The following OSBPL9 variants were observed in gnomAD, a reference collection of about 807,000 sequenced individuals.
The protein encoded by OSBPL9 is oxysterol-binding protein-related protein 9.
A neutral mutation model predicts 106.6 loss-of-function variants in OSBPL9; 40 were observed. The ratio of observed to expected loss-of-function variants is 0.38; its 90% confidence interval spans 0.29 to 0.49. OSBPL9 has a LOEUF of 0.49. Ranked by LOEUF, OSBPL9 falls within the 20% of genes least tolerant of loss-of-function variation. The pLI is 0.97. For missense variants in OSBPL9, 609 were observed against 887.2 expected (o/e 0.69, Z 3.98); for synonymous variants, 269 against 295.4 (o/e 0.91, Z 0.92).
At chr1:51,551,052 A>C in the OSBPL9 span, among the ~76,000 whole-genome samples, 45 of 152,334 alleles carry the variant, frequency 3.0e-4, no homozygotes, top group Admixed American at 5.2e-4. Flanking sequence ...ACTAATAAGG[A>C]AACAGAAGCC....
the OSBPL9 span, among the ~76,000 whole-genome samples, chr1:51,553,861 A>G: frequency 3.9e-5 from 6 of 152,174 alleles, no homozygotes; most frequent in African/African-American, 9.7e-5. Flanking sequence ...TGTTTTTAAT[A>G]GAGACAGGGG....
intron 3 of OSBPL9, among the ~76,000 whole-genome samples, chr1:51,711,872 G>A (rs1660066190): frequency 6.6e-6 from 1 of 151,340 alleles, no homozygotes; most frequent in East Asian, 2.0e-4. Context: ...GGGAAGAGGC[G>A]CTCCTCACTT....
intron 3 of OSBPL9, among the ~76,000 whole-genome samples, chr1:51,713,388 G>A (rs1405546674): frequency 6.6e-6 from 1 of 152,018 alleles, no homozygotes. Context: ...GACCTCAGGT[G>A]ATCCGCCCGC....
chr1:51,749,991 G>T (rs1557798613), intron 7 of OSBPL9, among the ~76,000 whole-genome samples, 154 bp from the exon 8 acceptor site: 1 of 151,398 alleles, frequency 6.6e-6, no homozygotes, highest in Non-Finnish European at 1.5e-5. Flanking sequence ...GGCATTATCA[G>T]CATACTAGAA....
At chr1:51,565,717 T>A in the OSBPL9 span, 1 of 152,160 alleles carries the variant, frequency 6.6e-6, no homozygotes, top group Non-Finnish European at 1.5e-5. Context: ...ACCCCAGAGT[T>A]TATGTTTCCA....
At chr1:51,753,759 A>G (rs1669755862) in intron 8 of OSBPL9, among the ~76,000 whole-genome samples, 1 of 152,192 alleles carries the variant, frequency 6.6e-6, no homozygotes, top group Non-Finnish European at 1.5e-5. Flanking sequence ...TTGAATTCCT[A>G]TTCCCAGTAG....
intron 1 of OSBPL9, among the ~76,000 whole-genome samples, chr1:51,640,818 A>G (rs1645742655): frequency 6.6e-6 from 1 of 151,406 alleles, no homozygotes; most frequent in Non-Finnish European, 1.5e-5. Context: ...TTTTTTTTGA[A>G]ACAGGCTCTC....
At chr1:51,602,015 G>GTTTTTTTTTTTTTTTTTTTT (rs1266396456) in intron 2 of OSBPL9, among the ~76,000 whole-genome samples, 1 of 16,316 alleles carries the variant, frequency 6.1e-5, no homozygotes, top group Non-Finnish European at 1.3e-4. Flanking sequence ...CATTCTTGGG[G>GTTTTTTTTTTTTTTTTTTTT]TTCTTTTTTT....
In OSBPL9 at chr1:51,785,788, G is replaced by A. The variant is rs1677476512; in HGVS notation, c.1830-20G>A. The A allele has an allele frequency of 6.2e-7, 1 of 1,607,028 alleles. No homozygotes were observed. The highest frequency in any genetic ancestry group is 1.7e-4 in the Middle Eastern group (1 of 6,032). On this transcript the variant is annotated intron_variant, in intron 20 of 23. Transcript: ENST00000428468. ...AATTTTCAACTTGAGACTAACACAAGTATTTCCTTTTCTGTTCAGTTCTCC... is the reference window on the plus strand; with the variant it reads ...AATTTTCAACTTGAGACTAACACAAATATTTCCTTTTCTGTTCAGTTCTCC...
At chr1:51,770,342 C>CA (rs1160161677) in intron 12 of OSBPL9, among the ~76,000 whole-genome samples, 1 of 152,116 alleles carries the variant, frequency 6.6e-6, no homozygotes, top group African/African-American at 2.4e-5. Flanking sequence ...GGGGCTTCAC[C>CA]ATGTTAACCA....
intron 6 of OSBPL9, among the ~76,000 whole-genome samples, chr1:51,747,553 C>CTTTTTTTTTT (rs746109312): frequency 4.7e-4 from 20 of 42,370 alleles, no homozygotes; most frequent in South Asian, 1.0e-3. Flanking sequence ...CTCTCCTTGG[C>CTTTTTTTTTT]TTTTTTTTTT....
chr1:51,606,103 G>A (rs577970435), intron 2 of OSBPL9, among the ~76,000 whole-genome samples: 2 of 152,358 alleles, frequency 1.3e-5, no homozygotes, highest in East Asian at 3.9e-4. Context: ...GGTAGCAATA[G>A]TGGAGTGGAT....
intron 15 of OSBPL9, 35 bp from the exon 16 acceptor site, chr1:51,781,129 A>T (rs773550207): frequency 4.2e-5 from 68 of 1,602,524 alleles, no homozygotes; most frequent in Non-Finnish European, 5.8e-5. Context: ...TGTACCAGAA[A>T]GCAGGACATT....
At chr1:51,616,621 T>C (rs1427241371), upstream of OSBPL9, among the ~76,000 whole-genome samples, 1 of 152,202 alleles carries the variant, frequency 6.6e-6, no homozygotes, top group African/African-American at 2.4e-5. Flanking sequence ...TTTATGATTT[T>C]TTAATGTACG....
At chr1:51,571,047 C>T in the OSBPL9 span, among the ~76,000 whole-genome samples, 4 of 152,172 alleles carry the variant, frequency 2.6e-5, no homozygotes, top group Admixed American at 2.0e-4. Flanking sequence ...TCTCGAACTC[C>T]TGACAGGCGT....
At chr1:51,570,824 G>T in the OSBPL9 span, among the ~76,000 whole-genome samples, 1 of 152,010 alleles carries the variant, frequency 6.6e-6, no homozygotes, top group Non-Finnish European at 1.5e-5. Flanking sequence ...TACTTGGTGA[G>T]GTTCCTTTTT....
chr1:51,767,228 T>TA (rs1672749277), intron 12 of OSBPL9, among the ~76,000 whole-genome samples: 1 of 151,664 alleles, frequency 6.6e-6, no homozygotes, highest in Non-Finnish European at 1.5e-5. Context: ...ACCCTGTCTC[T>TA]AAAAAAATAC....
In OSBPL9 at chr1:51,772,250, T is replaced by C. The variant is rs1674072790; in HGVS notation, c.1051+68T>C. 8.3e-6 allele frequency: 11 copies of C among 1,318,574 alleles called. No homozygotes were observed. In the South Asian group the frequency reaches 1.5e-4, roughly 17 times the overall value. 81.7% of individuals were successfully genotyped at this position (1,318,574 alleles called of 1,614,324 possible). Reference sequence around the variant, plus strand: ...ATTTGTGGCCAGATGTGGTGGCTCATGCCGTAATCCCAGCACTTTGGGAGA... The same window carrying C: ...ATTTGTGGCCAGATGTGGTGGCTCACGCCGTAATCCCAGCACTTTGGGAGA... On this transcript the variant is annotated intron_variant, in intron 13 of 23. Transcript: ENST00000428468.
the OSBPL9 span, among the ~76,000 whole-genome samples, chr1:51,563,383 G>A: frequency 4.6e-5 from 7 of 152,060 alleles, no homozygotes; most frequent in African/African-American, 1.7e-4. Flanking sequence ...CACCACTCTG[G>A]ACAAACTCCA....
Sources: allele counts gnomAD v4.1 joint callset (sites outside exome capture counted in the v4.1 genomes callset), GRCh38; gene constraint gnomAD v4.1.1; transcripts MANE v1.5; gene names NCBI Gene and HGNC (gene_info 2026-07-23, HGNC 2026-07-21).